RARS2: variants seen among roughly 807,000 people sequenced by gnomAD.
RARS2 encodes probable arginine--tRNA ligase, mitochondrial.
Under a neutral mutation model 88.5 loss-of-function variants are expected in RARS2, and 67 were observed. That is an observed-to-expected ratio of 0.76 (90% CI 0.62 to 0.93). The LOEUF (loss-of-function observed/expected upper bound fraction) is 0.93. Among genes scored for constraint, RARS2 ranks in the 40% least tolerant of loss-of-function variants. The pLI is 0.00. For synonymous variants in RARS2, 239 were observed against 230.3 expected (o/e 1.04, Z -0.34); for missense variants, 664 against 684.2 (o/e 0.97, Z 0.33).
At chr6:87,579,116 G>A (rs997174635) in intron 1 of RARS2, among the ~76,000 whole-genome samples, 1 of 151,852 alleles carries the variant, frequency 6.6e-6, no homozygotes, top group Non-Finnish European at 1.5e-5. Context: ...TTTTACAGAC[G>A]AGGTGAAGAA....
chr6:87,527,482 T>C (rs9450727), intron 10 of RARS2, among the ~76,000 whole-genome samples: 63,125 of 151,944 alleles, frequency 0.42, 13,215 homozygotes, highest in Admixed American at 0.49. Context: ...AGGAAAACAC[T>C]GAAGCCTTGG....
At chr6:87,519,108 T>C in intron 14 of RARS2, 2 of 530,130 alleles carry the variant, frequency 3.8e-6, no homozygotes, top group South Asian at 4.1e-5. Flanking sequence ...ATTCAAAAGA[T>C]ACTTGTAGGA....
At chr6:87,575,270 C>CAT (rs1231730943) in intron 1 of RARS2, among the ~76,000 whole-genome samples, 6 of 142,094 alleles carry the variant, frequency 4.2e-5, no homozygotes, top group Non-Finnish European at 4.5e-5. Flanking sequence ...CACACACACA[C>CAT]ACACACACCT....
intron 10 of RARS2, 88 bp from the exon 11 acceptor site, chr6:87,524,740 C>A: frequency 1.0e-6 from 1 of 975,502 alleles, no homozygotes; most frequent in Non-Finnish European, 1.6e-6. Context: ...AAACCAGAAG[C>A]TATTTTTATT....
At chr6:87,565,855 T>G (rs1358203984) in intron 2 of RARS2, among the ~76,000 whole-genome samples, 1 of 152,216 alleles carries the variant, frequency 6.6e-6, no homozygotes, top group East Asian at 1.9e-4. Context: ...AAAACTTATT[T>G]TTGAGAAGGC....
chr6:87,517,004 C>G, intron 17 of RARS2, 124 bp from the exon 18 acceptor site: 2 of 1,417,160 alleles, frequency 1.4e-6, no homozygotes, highest in Non-Finnish European at 1.9e-6. Context: ...TATGGCCAGG[C>G]GCAGTGTCTC....
At chr6:87,522,523 T>A (rs1562072208) in intron 11 of RARS2, among the ~76,000 whole-genome samples, 1 of 152,146 alleles carries the variant, frequency 6.6e-6, no homozygotes, top group Non-Finnish European at 1.5e-5. Flanking sequence ...TTTGATTATA[T>A]ATGATACTGG....
chr6:87,518,240 C>G lies in RARS2; in HGVS notation c.1440G>C (p.Gly480=). 1.2e-6 allele frequency: 2 copies of G among 1,614,078 alleles called. No individual in the cohort carries two copies. The highest frequency in any genetic ancestry group is 1.1e-5 in the South Asian group (1 of 91,070). The change falls in exon 17 of 20, where the codon GGG becomes GGC. Residue 480 remains glycine (G), a synonymous_variant. Transcript: ENST00000369536. Reference sequence around the variant, plus strand: ...AAGCAGTGTTGAAGTCATTCAGGTACCCACATCCAAAAGTCTCTTCCAAAC... The same window carrying G: ...AAGCAGTGTTGAAGTCATTCAGGTAGCCACATCCAAAAGTCTCTTCCAAAC... The part of the protein sequence containing the change: ...LHSLEETFGC[G]YLNDFNTACL...
At chr6:87,580,432 G>C (rs4334949) in intron 1 of RARS2, among the ~76,000 whole-genome samples, 65 of 151,628 alleles carry the variant, frequency 4.3e-4, no homozygotes, top group African/African-American at 1.5e-3. Context: ...TCCTTGAGAA[G>C]TAAACTAAAC....
intron 3 of RARS2, 146 bp from the exon 4 acceptor site, chr6:87,562,931 C>T (rs778239983): frequency 1.5e-6 from 1 of 685,848 alleles, no homozygotes; most frequent in African/African-American, 1.8e-5. Context: ...CAGGCAATCT[C>T]TTTAGTTCCA....
Position 87,562,801 on chromosome 6 carries a change from C to T in RARS2, c.214-16G>A. The T allele has an allele frequency of 6.3e-7, 1 of 1,594,862 alleles. No homozygotes were observed. Among genetic ancestry groups the T allele is most frequent in the Non-Finnish European group, 8.6e-7 (1 of 1,162,530 alleles). On this transcript the variant is annotated splice_polypyrimidine_tract_variant and intron_variant, in intron 3 of 19. Coordinates refer to ENST00000369536, the MANE Select transcript of RARS2 (RefSeq NM_020320.5). ...CACATCTTAGCTGAAAAGAACAAAT[C>T]ACACAAAGTAGGTATGTTATATAAT... is the stretch of plus-strand genomic sequence containing the variant.
At chr6:87,574,288 T>C (rs1770716927) in intron 1 of RARS2, among the ~76,000 whole-genome samples, 1 of 152,242 alleles carries the variant, frequency 6.6e-6, no homozygotes, top group South Asian at 2.1e-4. Context: ...TCAGGGCTAG[T>C]TTGCAAAAAT....
At chr6:87,576,981 G>T (rs751268849) in intron 1 of RARS2, among the ~76,000 whole-genome samples, 1 of 152,158 alleles carries the variant, frequency 6.6e-6, no homozygotes. Flanking sequence ...AGATTCATTC[G>T]ATAAAGAAGT....
chr6:87,577,426 G>C (rs1771908955), intron 1 of RARS2, among the ~76,000 whole-genome samples: 1 of 152,012 alleles, frequency 6.6e-6, no homozygotes, highest in Admixed American at 6.6e-5. Flanking sequence ...CAAACTCCTG[G>C]GTTCAAGCAA....
At chr6:87,535,780 G>A (rs188268253) in intron 8 of RARS2, among the ~76,000 whole-genome samples, 102 of 150,310 alleles carry the variant, frequency 6.8e-4, no homozygotes, top group African/African-American at 2.4e-3. Context: ...GGGTTCAAGC[G>A]ATTCTCGTCC....
intron 1 of RARS2, 104 bp downstream of exon 1, chr6:87,589,818 G>A (rs1487493556): frequency 2.5e-6 from 4 of 1,612,656 alleles, no homozygotes; most frequent in African/African-American, 1.3e-5. Flanking sequence ...ACAGGATTCC[G>A]TGGGACCCAC....
At chr6:87,569,383 T>C in intron 2 of RARS2, 134 bp downstream of exon 2, 1 of 702,224 alleles carries the variant, frequency 1.4e-6, no homozygotes, top group Non-Finnish European at 2.5e-6. Flanking sequence ...AGGCTGAGTA[T>C]AATGAATCAT....
rs528221951 is a variant in RARS2 at position 87,524,470 on chromosome 6, C to T, written c.974+87G>A. 2.9e-4 allele frequency: 303 copies of T among 1,041,354 alleles called. 2 individuals carry two copies. The highest frequency in any genetic ancestry group is 7.0e-4 in the African/African-American group (45 of 63,986). The allele number at this position is 1,041,354 out of a possible 1,614,324, so 64.5% of individuals were successfully genotyped here. A position where few individuals can be genotyped will look rare whatever the true frequency, so the allele number is the denominator to read the frequency against. On this transcript the variant is annotated intron_variant, in intron 11 of 19. Coordinates refer to ENST00000369536, the MANE Select transcript of RARS2 (RefSeq NM_020320.5). ...GAATAATGTCATCAGCTGTGGAATC[C>T]GATAATGCATAATTAATTGTACATA... is the stretch of plus-strand genomic sequence containing the variant.
intron 8 of RARS2, among the ~76,000 whole-genome samples, chr6:87,533,243 CTCTT>C (rs1452844376): frequency 1.3e-5 from 2 of 149,730 alleles, no homozygotes; most frequent in East Asian, 3.9e-4. Flanking sequence ...CCAGAATCTT[CTCTT>C]TCTTAAAAAA....
Sources: allele counts gnomAD v4.1 joint callset (sites outside exome capture counted in the v4.1 genomes callset), GRCh38; gene constraint gnomAD v4.1.1; transcripts MANE v1.5; gene names NCBI Gene and HGNC (gene_info 2026-07-23, HGNC 2026-07-21).